PCNX2: variants seen among roughly 807,000 people sequenced by gnomAD.
The protein encoded by PCNX2 is pecanex 2.
PCNX2 carries 168 observed loss-of-function variants against 223.8 expected under a neutral mutation model. The ratio of observed to expected loss-of-function variants is 0.75; its 90% CI spans 0.66 to 0.85. The LOEUF (loss-of-function observed/expected upper bound fraction) is 0.85. PCNX2 is among the 40% of genes least tolerant of loss of function. The pLI is 0.00. For missense variants in PCNX2, 2,507 were observed against 2,675.5 expected (o/e 0.94, Z 1.39); for synonymous variants, 1,006 against 1,052.6 (o/e 0.96, Z 0.86).
chr1:233,037,281 A>C (rs2102852724), intron 25 of PCNX2, among the ~76,000 whole-genome samples: 1 of 152,246 alleles, frequency 6.6e-6, no homozygotes, highest in Middle Eastern at 3.4e-3. Flanking sequence ...CTTCTCCCCT[A>C]GTTCCAGTTT....
intron 25 of PCNX2, among the ~76,000 whole-genome samples, chr1:233,030,238 T>C (rs1160969365): frequency 1.3e-5 from 2 of 152,188 alleles, no homozygotes; most frequent in Non-Finnish European, 1.5e-5. Context: ...ATTTCAGACA[T>C]TGTATTTTTT....
At position 232,990,302 on chromosome 1, in the gene PCNX2, C is replaced by A. The variant is rs1669649619; in HGVS notation, c.5792-3762G>T. On this transcript the variant is annotated intron_variant, in intron 32 of 33. Coordinates refer to ENST00000258229, the MANE Select transcript of PCNX2 (RefSeq NM_014801.4). This position sits in a 1 kb window ranked among gnomAD's most constrained non-coding sequence, Gnocchi z 4.3. ...CCTTGGAACCTGGGCTACCTGCACA[C>A]TGGGTCTCAGGTGCAGTGTCTTGAG... is the stretch of plus-strand genomic sequence containing the variant. Among the ~76,000 whole-genome samples, 1 of 152,192 alleles carries A rather than the reference C, an allele frequency of 6.6e-6. No individual in the cohort carries two copies. Among genetic ancestry groups the A allele is most frequent in the African/African-American group, 2.4e-5 (1 of 41,442 alleles).
At chr1:233,023,422 C>G (rs1463516136) in intron 26 of PCNX2, among the ~76,000 whole-genome samples, 1 of 152,214 alleles carries the variant, frequency 6.6e-6, no homozygotes. Flanking sequence ...CATTAACAGA[C>G]TGCTGATGCA....
At chr1:233,134,314 GA>G (rs1380319155) in intron 21 of PCNX2, among the ~76,000 whole-genome samples, 4 of 152,154 alleles carry the variant, frequency 2.6e-5, no homozygotes, top group African/African-American at 7.2e-5. Flanking sequence ...TATGGTCATG[GA>G]GAACTCCCAA....
intron 19 of PCNX2, among the ~76,000 whole-genome samples, chr1:233,147,451 G>A (rs76831277): frequency 6.6e-6 from 1 of 152,086 alleles, no homozygotes; most frequent in African/African-American, 2.4e-5. Flanking sequence ...TCTTCACGTT[G>A]AGTAGGCTGA....
intron 1 of PCNX2, among the ~76,000 whole-genome samples, chr1:233,273,743 C>T (rs554176135): frequency 3.9e-5 from 6 of 152,026 alleles, no homozygotes; most frequent in Non-Finnish European, 8.8e-5. Flanking sequence ...CCTGCCTCAG[C>T]CTCCCGAGTA....
chr1:233,090,796 G>A (rs1229686022), intron 22 of PCNX2, among the ~76,000 whole-genome samples: 1 of 152,154 alleles, frequency 6.6e-6, no homozygotes, highest in Non-Finnish European at 1.5e-5. Flanking sequence ...TGTGGGCCAA[G>A]TTGCTTCTTT....
At chr1:233,320,212 TC>T in the PCNX2 span, among the ~76,000 whole-genome samples, 1 of 152,208 alleles carries the variant, frequency 6.6e-6, no homozygotes, top group African/African-American at 2.4e-5. Flanking sequence ...CCTGATTTTC[TC>T]CAATGGAATT....
chr1:233,065,198 C>T (rs891517160), intron 23 of PCNX2, among the ~76,000 whole-genome samples: 1 of 152,084 alleles, frequency 6.6e-6, no homozygotes, highest in Non-Finnish European at 1.5e-5. Flanking sequence ...TTCAGCCTAC[C>T]TCAAGGTGAA....
intron 28 of PCNX2, among the ~76,000 whole-genome samples, chr1:233,004,275 C>T (rs1406086159): frequency 6.6e-6 from 1 of 152,014 alleles, no homozygotes; most frequent in Non-Finnish European, 1.5e-5. Context: ...TGTTCAGGTT[C>T]CTAGGTTTTT....
At chr1:233,150,882 C>CATAATA (rs1171209893) in intron 19 of PCNX2, among the ~76,000 whole-genome samples, 3 of 152,048 alleles carry the variant, frequency 2.0e-5, no homozygotes, top group Non-Finnish European at 2.9e-5. Context: ...AACACCAAAC[C>CATAATA]ATAATAATAA....
intron 15 of PCNX2, among the ~76,000 whole-genome samples, chr1:233,186,815 T>A (rs575289072): frequency 6.6e-6 from 1 of 152,246 alleles, no homozygotes; most frequent in Non-Finnish European, 1.5e-5. Context: ...ATGAGATAGT[T>A]AGCTGGCAAG....
chr1:233,148,399 G>T (rs1320418562), intron 19 of PCNX2, among the ~76,000 whole-genome samples: 1 of 151,670 alleles, frequency 6.6e-6, no homozygotes, highest in South Asian at 2.1e-4. Flanking sequence ...GCTGCATATT[G>T]ACAGGATATT....
chr1:233,203,128 T>C (rs543245821), intron 13 of PCNX2, among the ~76,000 whole-genome samples: 1 of 152,354 alleles, frequency 6.6e-6, no homozygotes, highest in East Asian at 1.9e-4. Flanking sequence ...CAAGTGTTTC[T>C]TCCCTGGGTT....
In PCNX2 at chr1:233,295,560, C is replaced by T. The variant is rs1662039763; in HGVS notation, c.-82G>A. ...GATCTCCAGGCTCCCTCAGGTCTAA[C>T]ACCCGGGCCCGCGGGCCGCGCCCCC... On this transcript the variant is annotated 5_prime_UTR_variant, in exon 1 of 34. Transcript: ENST00000258229. The surrounding 1 kb of genome is among the most constrained non-coding windows in gnomAD (Gnocchi z 4.1). The T allele has an allele frequency of 5.5e-6, 7 of 1,278,104 alleles. No homozygotes were observed. Among genetic ancestry groups the T allele is most frequent in the Non-Finnish European group, 5.9e-6 (6 of 1,008,532 alleles). 79.2% of individuals were successfully genotyped at this position (1,278,104 alleles called of 1,614,324 possible).
intron 17 of PCNX2, among the ~76,000 whole-genome samples, chr1:233,172,004 T>C (rs1455443246): frequency 1.3e-5 from 2 of 152,184 alleles, no homozygotes; most frequent in African/African-American, 2.4e-5. Flanking sequence ...ATATTTCAAT[T>C]GATTCATTTG....
intron 15 of PCNX2, among the ~76,000 whole-genome samples, chr1:233,183,151 A>G (rs1221727760): frequency 1.3e-5 from 2 of 152,186 alleles, no homozygotes; most frequent in Non-Finnish European, 2.9e-5. Context: ...GTTAGAAAAG[A>G]CATTCTGGGG....
chr1:233,227,227 G>C lies in PCNX2; in HGVS notation c.2503C>G (p.Arg835Gly). ...DRLTLLALLD[R>G]TEDIKENVLA... ...GTGTGTGCATGCTCAGTGGCTTACCGATCAAGTAATGCCAGCAAGGTCAGT... is the reference window on the plus strand; with the variant it reads ...GTGTGTGCATGCTCAGTGGCTTACCCATCAAGTAATGCCAGCAAGGTCAGT... Residue 835 changes from arginine to glycine, a missense_variant and splice_region_variant, in exon 10 of 34, where the codon CGA becomes GGA. Transcript: ENST00000258229. The C allele has an allele frequency of 6.2e-7, 1 of 1,611,266 alleles. No individual in the cohort carries two copies. The highest frequency in any genetic ancestry group is 8.5e-7 in the Non-Finnish European group (1 of 1,178,614).
intron 26 of PCNX2, among the ~76,000 whole-genome samples, chr1:233,020,587 T>A (rs991258911): frequency 6.6e-6 from 1 of 152,262 alleles, no homozygotes; most frequent in Admixed American, 6.5e-5. Context: ...AAGGCGGGCC[T>A]GGCAGGCAGG....
Sources: allele counts gnomAD v4.1 joint callset (sites outside exome capture counted in the v4.1 genomes callset), GRCh38; gene constraint gnomAD v4.1.1; non-coding constraint Gnocchi (gnomAD v3.1); transcripts MANE v1.5; gene names NCBI Gene and HGNC (gene_info 2026-07-23, HGNC 2026-07-21).